ATP2B1: variants seen among roughly 807,000 people sequenced by gnomAD.
The protein encoded by ATP2B1 is ATPase plasma membrane Ca2+ transporting 1.
ATP2B1 carries 14 observed loss-of-function variants against 124.2 expected under a neutral mutation model. The ratio of observed to expected loss-of-function variants is 0.11; its 90% CI spans 0.07 to 0.18. The LOEUF (loss-of-function observed/expected upper bound fraction) is 0.18. ATP2B1 is among the 10% of genes least tolerant of loss of function. The pLI is 1.00. For synonymous variants in ATP2B1, 449 were observed against 492.4 expected (o/e 0.91, Z 1.17); for missense variants, 763 against 1,466.1 (o/e 0.52, Z 7.83).
chr12:89,655,837 G>T lies in ATP2B1; in HGVS notation c.50C>A (p.Ser17Tyr), dbSNP rs936812988. ...TCCATCATGATTAGCTTCCTTCAAA[G>T]AGTTTTTCACACCACTGTAAGCAAC... ...NSVAYSGVKN[S>Y]LKEANHDGDF... The change falls in exon 2 of 21, where the codon TCT becomes TAT. Residue 17 changes from serine to tyrosine, a missense_variant. Physicochemically the swap from Ser to Tyr is moderately radical, Grantham distance 144. This residue lies in a region of ATP2B1 where 93 missense variants were observed against 112.7 expected (regional missense o/e 0.83). Transcript: ENST00000428670. The T allele has an allele frequency of 6.8e-6, 11 of 1,613,492 alleles. No individual in the cohort carries two copies. The highest frequency in any genetic ancestry group is 9.3e-6 in the Non-Finnish European group (11 of 1,179,642).
At chr12:89,662,123 T>A (rs763215001) in intron 1 of ATP2B1, among the ~76,000 whole-genome samples, 1 of 151,786 alleles carries the variant, frequency 6.6e-6, no homozygotes, top group Non-Finnish European at 1.5e-5. Flanking sequence ...CAAGAGAGAC[T>A]ATGATCTTTC....
At chr12:89,612,927 A>C (rs1371262793) in intron 12 of ATP2B1, among the ~76,000 whole-genome samples, 4 of 152,196 alleles carry the variant, frequency 2.6e-5, no homozygotes, top group African/African-American at 9.6e-5. Context: ...CTGCTGAATT[A>C]AATATCTTTG....
At chr12:89,656,876 C>A (rs1008097155) in intron 1 of ATP2B1, among the ~76,000 whole-genome samples, 1 of 152,180 alleles carries the variant, frequency 6.6e-6, no homozygotes, top group Non-Finnish European at 1.5e-5. Flanking sequence ...CCTCCATCTA[C>A]AGTATTAGTT....
chr12:89,670,249 C>T (rs1408131584), intron 1 of ATP2B1, among the ~76,000 whole-genome samples: 2 of 152,002 alleles, frequency 1.3e-5, no homozygotes, highest in South Asian at 2.1e-4. Flanking sequence ...GTCAGAGGAG[C>T]AATCCAACAG....
At position 89,616,790 on chromosome 12, in the gene ATP2B1, A is replaced by C. The variant is rs1473364276; in HGVS notation, c.2067+12T>G. ...AGATTCTGCACATGCAGAACACAGA[A>C]TGTTTCACCACCTCAGGTCTCACAG... On this transcript the variant is annotated intron_variant, in intron 12 of 20. Coordinates refer to ENST00000428670, the MANE Select transcript of ATP2B1 (RefSeq NM_001366521.1). The C allele has an allele frequency of 6.2e-7, 1 of 1,605,886 alleles. No homozygotes were observed. Among genetic ancestry groups the C allele is most frequent in the South Asian group, 1.1e-5 (1 of 90,912 alleles).
At chr12:89,664,774 G>T (rs1209905795) in intron 1 of ATP2B1, among the ~76,000 whole-genome samples, 1 of 152,084 alleles carries the variant, frequency 6.6e-6, no homozygotes, top group Non-Finnish European at 1.5e-5. Context: ...GGAACAAACT[G>T]CTGGATTGTC....
At chr12:89,697,053 TCTA>T (rs1361822003) in intron 1 of ATP2B1, among the ~76,000 whole-genome samples, 4 of 110,182 alleles carry the variant, frequency 3.6e-5, no homozygotes, top group African/African-American at 1.4e-4. Flanking sequence ...TTCCCGAGAT[TCTA>T]CTTCCTTCAA....
At chr12:89,607,759 C>T (rs761824597) in intron 15 of ATP2B1, among the ~76,000 whole-genome samples, 8 of 152,180 alleles carry the variant, frequency 5.3e-5, no homozygotes, top group Non-Finnish European at 1.2e-4. Flanking sequence ...AATTGTTACA[C>T]TATATTATTT....
At chr12:89,631,471 C>T (rs565004094) in intron 5 of ATP2B1, among the ~76,000 whole-genome samples, 6 of 152,304 alleles carry the variant, frequency 3.9e-5, no homozygotes, top group Admixed American at 1.3e-4. Context: ...CATTCCAGCA[C>T]GCCTTTGTAA....
chr12:89,707,248 C>A lies in ATP2B1; in HGVS notation c.-222+1348G>T, dbSNP rs989219493. On this transcript the variant is annotated intron_variant, in intron 1 of 20. Coordinates refer to ENST00000428670, the MANE Select transcript of ATP2B1 (RefSeq NM_001366521.1). ...GCCCTCCATTCACTCACGTGGGCCA[C>A]CATCCAAAGGGTTACACACCCTCTG... is the stretch of plus-strand genomic sequence containing the variant. 9.2e-5 allele frequency among the ~76,000 whole-genome samples: 14 copies of A among 152,136 alleles called. No individual in the cohort carries two copies. The South Asian group carries it at 1.2e-3, about 14-fold the overall frequency.
At chr12:89,601,457 T>A (rs745609831) in intron 18 of ATP2B1, 24 bp from the exon 19 acceptor site, 4 of 1,431,776 alleles carry the variant, frequency 2.8e-6, no homozygotes, top group Admixed American at 2.5e-5. Flanking sequence ...CAAGAGTAAA[T>A]TTACTTAAAT....
chr12:89,644,268 G>T (rs1037033471), intron 2 of ATP2B1, among the ~76,000 whole-genome samples: 2 of 152,164 alleles, frequency 1.3e-5, no homozygotes, highest in Non-Finnish European at 2.9e-5. Context: ...ATCAAAGGAG[G>T]AAGACAGGAA....
chr12:89,635,207 T>A lies in ATP2B1; in HGVS notation c.451A>T (p.Thr151Ser), dbSNP rs1020535897. 1.1e-5 allele frequency: 17 copies of A among 1,613,642 alleles called. No homozygotes were observed. The highest frequency in any genetic ancestry group is 1.4e-5 in the Non-Finnish European group (16 of 1,179,842). ...ATTGCAGCTCCTTCAATCCAACCAG[T>A]TTCACCTTCACCTTCTTCCTCCCCA... ...SVGEEEGEGE[T>S]GWIEGAAILL... The change falls in exon 4 of 21, where the codon ACT (threonine) becomes TCT (serine). Residue 151 changes from threonine to serine, a missense_variant. Transcript: ENST00000428670.
At chr12:89,659,719 A>G (rs920526657) in intron 1 of ATP2B1, among the ~76,000 whole-genome samples, 2 of 151,962 alleles carry the variant, frequency 1.3e-5, no homozygotes, top group African/African-American at 2.4e-5. Flanking sequence ...TCAGGAGATC[A>G]AGACCATTCT....
intron 1 of ATP2B1, among the ~76,000 whole-genome samples, chr12:89,684,305 T>C (rs1311437879): frequency 1.3e-5 from 2 of 152,130 alleles, no homozygotes; most frequent in African/African-American, 4.8e-5. Context: ...ATTCAAAATG[T>C]AAAATTGAAA....
Position 89,599,167 on chromosome 12 carries a change from G to A in ATP2B1, c.3301C>T (p.Arg1101Trp), listed in dbSNP as rs746094247. 1.2e-6 allele frequency: 2 copies of A among 1,614,074 alleles called. No homozygotes were observed. The highest frequency in any genetic ancestry group is 1.7e-6 in the Non-Finnish European group (2 of 1,180,012). The change falls in exon 20 of 21, where the codon CGG (arginine) becomes TGG (tryptophan). Residue 1101 changes from arginine to tryptophan, a missense_variant. By Grantham distance (101) the Arg-to-Trp change is moderately radical. Around this residue, in one of 7 missense-constraint regions of ATP2B1, gnomAD observed 118 missense variants for 240.3 expected, o/e 0.49. Coordinates refer to ENST00000428670, the MANE Select transcript of ATP2B1 (RefSeq NM_001366521.1). ...EEIDHAEREL[R>W]RGQILWFRGL... Reference sequence around the variant, plus strand: ...CTAAACCACAAGATTTGGCCACGCCGCAACTCCCTTTCAGCGTGATCAATC... The same window carrying A: ...CTAAACCACAAGATTTGGCCACGCCACAACTCCCTTTCAGCGTGATCAATC...
Position 89,634,918 on chromosome 12 carries a change from A to G in ATP2B1, c.662-15T>C. ...AAGAAGATCACCTAAAATAAAAAGC[A>G]TGATATACTAAACTTATAAACAAGA... On this transcript the variant is annotated splice_polypyrimidine_tract_variant and intron_variant, in intron 4 of 20. Transcript: ENST00000428670. The G allele has an allele frequency of 6.2e-7, 1 of 1,611,328 alleles. No homozygotes were observed.
At chr12:89,665,136 C>A (rs1441670697) in intron 1 of ATP2B1, among the ~76,000 whole-genome samples, 1 of 152,140 alleles carries the variant, frequency 6.6e-6, no homozygotes, top group Non-Finnish European at 1.5e-5. Context: ...GCCTATTATG[C>A]TATTCTTGAT....
intron 1 of ATP2B1, among the ~76,000 whole-genome samples, chr12:89,693,060 T>C (rs1890723528): frequency 6.6e-6 from 1 of 152,208 alleles, no homozygotes; most frequent in Non-Finnish European, 1.5e-5. Flanking sequence ...CTACAACTAG[T>C]ATTAAGCCAA....
Sources: gnomAD v4.1 joint callset for allele counts (sites outside exome capture counted in the v4.1 genomes callset) on GRCh38, gnomAD v4.1.1 for gene constraint, gnomAD v4.1.1 regional missense constraint, MANE v1.5 for transcripts, NCBI Gene and HGNC (gene_info 2026-07-23, HGNC 2026-07-21) for gene names.